Variants in TSNARE1 observed in about 807,000 individuals in gnomAD.
TSNARE1 encodes t-SNARE domain-containing protein 1.
TSNARE1 carries 49 observed loss-of-function variants against 62.0 expected under a neutral mutation model. That is an observed-to-expected ratio of 0.79 (90% CI 0.63 to 1.00). The LOEUF (loss-of-function observed/expected upper bound fraction) is 1.00. Among genes scored for constraint, TSNARE1 ranks in the 50% least tolerant of loss-of-function variants. TSNARE1 has a pLI of 0.00. For synonymous variants in TSNARE1, 328 were observed against 294.4 expected (o/e 1.11, Z -1.17); for missense variants, 755 against 700.1 (o/e 1.08, Z -0.88).
intron 2 of TSNARE1, among the ~76,000 whole-genome samples, chr8:142,352,040 G>A (rs142264335): frequency 4.7e-4 from 72 of 152,352 alleles, no homozygotes; most frequent in South Asian, 4.1e-4. Flanking sequence ...TGCGAGTCCC[G>A]AAGGGAATGA....
intron 2 of TSNARE1, among the ~76,000 whole-genome samples, chr8:142,354,408 T>C (rs1834520338): frequency 6.6e-6 from 1 of 152,058 alleles, no homozygotes. Flanking sequence ...ATGCCCAGCA[T>C]GAACTGGGAC....
intron 1 of TSNARE1, among the ~76,000 whole-genome samples, chr8:142,389,109 TC>T (rs1390837588): frequency 6.6e-6 from 1 of 152,106 alleles, no homozygotes; most frequent in Non-Finnish European, 1.5e-5. Flanking sequence ...TCATTCATGG[TC>T]AAATGATTTT....
At chr8:142,311,269 T>G (rs1442637091) in intron 9 of TSNARE1, among the ~76,000 whole-genome samples, 1 of 149,120 alleles carries the variant, frequency 6.7e-6, no homozygotes, top group Non-Finnish European at 1.5e-5. Flanking sequence ...TTCAAGCGAT[T>G]CTCCTGCCTC....
At chr8:142,340,735 C>G (rs1832469257) in intron 4 of TSNARE1, among the ~76,000 whole-genome samples, 1 of 152,244 alleles carries the variant, frequency 6.6e-6, no homozygotes, top group Non-Finnish European at 1.5e-5. Flanking sequence ...AGCCTTCCCA[C>G]CACTGTCTGG....
chr8:142,313,519 CTGTGTT>C (rs1473684147), intron 9 of TSNARE1, among the ~76,000 whole-genome samples: 1 of 151,826 alleles, frequency 6.6e-6, no homozygotes, highest in Non-Finnish European at 1.5e-5. Context: ...GTCTACATGT[CTGTGTT>C]TATCTGCATG....
chr8:142,293,832 C>T (rs970803715), intron 10 of TSNARE1, among the ~76,000 whole-genome samples: 2 of 152,226 alleles, frequency 1.3e-5, no homozygotes. Flanking sequence ...GCATTTCAGC[C>T]CCATGGGGCC....
chr8:142,273,222 G>A (rs570112445), intron 12 of TSNARE1: 28 of 984,970 alleles, frequency 2.8e-5, no homozygotes, highest in Admixed American at 6.2e-5. Flanking sequence ...CTGTCCCATC[G>A]TCCTCCTGCC....
intron 13 of TSNARE1, among the ~76,000 whole-genome samples, chr8:142,221,744 C>T (rs767736646): frequency 0.67 from 82,015 of 123,048 alleles, 38,597 homozygotes; most frequent in Admixed American, 0.7. Flanking sequence ...CATTCACTCA[C>T]TCACTCACTC....
chr8:142,364,443 T>C (rs1835392260), intron 1 of TSNARE1, among the ~76,000 whole-genome samples: 1 of 152,200 alleles, frequency 6.6e-6, no homozygotes, highest in African/African-American at 2.4e-5. Flanking sequence ...AGTGTGTACA[T>C]GACAGACATC....
chr8:142,346,434 G>A (rs111547631), intron 2 of TSNARE1, among the ~76,000 whole-genome samples: 7 of 152,230 alleles, frequency 4.6e-5, no homozygotes, highest in Non-Finnish European at 7.3e-5. Context: ...GGAACGCATC[G>A]TAATTTTCTC....
At chr8:142,255,505 A>AC (rs1818403075) in intron 12 of TSNARE1, among the ~76,000 whole-genome samples, 1 of 51,720 alleles carries the variant, frequency 1.9e-5, no homozygotes, top group South Asian at 7.7e-4. Context: ...CACCACCACC[A>AC]CTGTCACCAT....
At chr8:142,218,173 A>ACTCAGT (rs1816024684) in intron 13 of TSNARE1, among the ~76,000 whole-genome samples, 58 of 146,716 alleles carry the variant, frequency 4.0e-4, no homozygotes, top group Middle Eastern at 3.9e-3. Context: ...GTCAGGCCTC[A>ACTCAGT]GTGTGACCAG....
In TSNARE1 at chr8:142,331,743, C is replaced by T. The variant is rs368270664; in HGVS notation, c.823+11G>A. ...GATGGAGGGGCAGGCCCAGGCCAGACGCACACTCACCACTGGAGTTGATTC... is the reference window on the plus strand; with the variant it reads ...GATGGAGGGGCAGGCCCAGGCCAGATGCACACTCACCACTGGAGTTGATTC... On this transcript the variant is annotated intron_variant, in intron 5 of 13. Coordinates refer to ENST00000524325, the MANE Select transcript of TSNARE1 (RefSeq NM_145003.5). The T allele has an allele frequency of 2.1e-4, 327 of 1,586,922 alleles. No homozygotes were observed. The highest frequency in any genetic ancestry group is 3.3e-4 in the Middle Eastern group (2 of 6,060).
At chr8:142,317,830 C>A (rs779374331) in intron 7 of TSNARE1, among the ~76,000 whole-genome samples, 1 of 152,140 alleles carries the variant, frequency 6.6e-6, no homozygotes, top group African/African-American at 2.4e-5. Context: ...TGGTGACGGG[C>A]GCCTGTAATC....
At chr8:142,276,378 A>G (rs1173267411) in intron 11 of TSNARE1, 1 of 985,204 alleles carries the variant, frequency 1.0e-6, no homozygotes, top group African/African-American at 1.7e-5. Flanking sequence ...TCCCCCCACA[A>G]TTGCCACTCA....
chr8:142,261,539 G>A (rs533921614), intron 12 of TSNARE1, among the ~76,000 whole-genome samples: 17 of 152,072 alleles, frequency 1.1e-4, no homozygotes, highest in African/African-American at 3.1e-4. Flanking sequence ...GACTATAGCC[G>A]CTCCCACTGC....
chr8:142,363,922 T>C (rs986037939), intron 1 of TSNARE1, among the ~76,000 whole-genome samples: 1 of 152,128 alleles, frequency 6.6e-6, no homozygotes, highest in Non-Finnish European at 1.5e-5. Context: ...GTAGGACCTG[T>C]CTGGGGGTCA....
chr8:142,300,357 G>T, intron 10 of TSNARE1, 129 bp downstream of exon 10: 1 of 1,088,096 alleles, frequency 9.2e-7, no homozygotes, highest in Non-Finnish European at 1.3e-6. Context: ...GCAAGGCCAT[G>T]GAGGCCTAGT....
intron 1 of TSNARE1, among the ~76,000 whole-genome samples, chr8:142,373,361 G>T (rs1252574845): frequency 1.3e-5 from 2 of 152,136 alleles, no homozygotes; most frequent in Non-Finnish European, 2.9e-5. Flanking sequence ...GTCTCACCCT[G>T]ACTGGCGGCT....
Sources: gnomAD v4.1 joint callset for allele counts (sites outside exome capture counted in the v4.1 genomes callset) on GRCh38, gnomAD v4.1.1 for gene constraint, MANE v1.5 for transcripts, NCBI Gene and HGNC (gene_info 2026-07-23, HGNC 2026-07-21) for gene names.